Variants in UNC79 observed in about 807,000 individuals in gnomAD.
UNC79 encodes unc-79 subunit of NALCN channel complex.
UNC79 carries 37 observed loss-of-function variants against 283.1 expected under a neutral mutation model. The ratio of observed to expected loss-of-function variants is 0.13; its 90% CI spans 0.10 to 0.17. The LOEUF (loss-of-function observed/expected upper bound fraction) is 0.17. UNC79 is among the 10% of genes least tolerant of loss of function. The pLI, the probability that UNC79 is intolerant of heterozygous loss-of-function variation, is 1.00. For missense variants in UNC79, 2,272 were observed against 3,211.1 expected, an observed-to-expected ratio of 0.71 and a Z score of 7.07; for synonymous variants, 1,107 against 1,200.2, an observed-to-expected ratio of 0.92 and a Z score of 1.61.
intron 5 of UNC79, among the ~76,000 whole-genome samples, chr14:93,489,403 C>T (rs554322630): frequency 1.3e-4 from 20 of 152,288 alleles, no homozygotes; most frequent in African/African-American, 4.3e-4. Flanking sequence ...CATGTGAATA[C>T]CATCTAAATC....
intron 35 of UNC79, among the ~76,000 whole-genome samples, chr14:93,653,322 C>CATATAT (rs60148384): frequency 0.055 from 8,120 of 148,198 alleles, 281 homozygotes; most frequent in Non-Finnish European, 0.085. Flanking sequence ...TCTCTCACTG[C>CATATAT]ATATATATAT....
At chr14:93,697,668 G>A (rs2075246089) in intron 47 of UNC79, among the ~76,000 whole-genome samples, 2 of 152,112 alleles carry the variant, frequency 1.3e-5, no homozygotes, top group Admixed American at 1.3e-4. Flanking sequence ...TGCTTTGGAG[G>A]GCCAAGGAGG....
At chr14:93,551,353 T>C (rs1198906950) in intron 14 of UNC79, among the ~76,000 whole-genome samples, 1 of 152,194 alleles carries the variant, frequency 6.6e-6, no homozygotes, top group Non-Finnish European at 1.5e-5. Context: ...CCGGCCAGGA[T>C]TTATTTTTTT....
At chr14:93,489,404 C>G (rs924757369) in intron 5 of UNC79, among the ~76,000 whole-genome samples, 1 of 152,140 alleles carries the variant, frequency 6.6e-6, no homozygotes, top group African/African-American at 2.4e-5. Context: ...ATGTGAATAC[C>G]ATCTAAATCA....
chr14:93,361,069 C>T (rs943320766), intron 1 of UNC79, among the ~76,000 whole-genome samples: 1 of 151,668 alleles, frequency 6.6e-6, no homozygotes, highest in African/African-American at 2.4e-5. Flanking sequence ...CAAAAATTAC[C>T]CGGGCATGGT....
At chr14:93,333,405 C>G (rs543318507) in exon 1 of UNC79, 77 of 398,658 alleles carry the variant, frequency 1.9e-4, no homozygotes, top group Non-Finnish European at 3.1e-4. Context: ...GGCCGGCGTC[C>G]CTCGGGTGGT....
chr14:93,612,811 G>A (rs1166490204), exon 27 of UNC79: 8 of 1,613,502 alleles, frequency 5.0e-6, no homozygotes, highest in Non-Finnish European at 5.1e-6. Context: ...ACAATCTCCT[G>A]AGAATGACAA....
intron 1 of UNC79, among the ~76,000 whole-genome samples, chr14:93,396,588 G>C (rs2055002280): frequency 6.6e-6 from 1 of 152,012 alleles, no homozygotes; most frequent in African/African-American, 2.4e-5. Context: ...AGGGTTTCTT[G>C]TTGCTACTGT....
In UNC79 at chr14:93,357,956, T is replaced by C. The variant is rs185526931; in HGVS notation, c.-351+24433T>C. Among the ~76,000 whole-genome samples the C allele has an allele frequency of 1.6e-3, 105 of 67,242 alleles. 1 individual carries two copies. Among genetic ancestry groups the C allele is most frequent in the South Asian group, 8.0e-3 (20 of 2,514 alleles). The allele number at this position is 67,242 out of a possible 152,430, so 44.1% of individuals were successfully genotyped here. ...ATATGGATATATGGAGATATATATC[T>C]ATATATATCCATATATATAGATATA... is the stretch of plus-strand genomic sequence containing the variant. On this transcript the variant is annotated intron_variant, in intron 1 of 49. Coordinates refer to the UNC79 transcript ENST00000256339.
At chr14:93,646,332 G>C (rs1397085184) in intron 34 of UNC79, among the ~76,000 whole-genome samples, 2 of 152,124 alleles carry the variant, frequency 1.3e-5, no homozygotes, top group African/African-American at 4.8e-5. Context: ...ATAACTGTCT[G>C]GCCTGGCTGC....
rs185403898 is a variant in UNC79 at position 93,400,677 on chromosome 14, C to T, written c.-350-66994C>T. On this transcript the variant is annotated intron_variant, in intron 1 of 49. Coordinates refer to the UNC79 transcript ENST00000256339. Reference sequence around the variant, plus strand: ...TTACAGCACAGGGCACTGGGGTCTACGGTGCATATCGCTTTAGGGTGCTTA... The same window carrying T: ...TTACAGCACAGGGCACTGGGGTCTATGGTGCATATCGCTTTAGGGTGCTTA... Among the ~76,000 whole-genome samples the T allele has an allele frequency of 8.5e-5, 13 of 152,164 alleles. No individual in the cohort carries two copies. In the East Asian group the frequency reaches 1.7e-3, roughly 20 times the overall value.
chr14:93,659,277 A>G lies in UNC79; in HGVS notation c.6525+16A>G, dbSNP rs752188811. The G allele has an allele frequency of 1.3e-5, 20 of 1,593,778 alleles. No homozygotes were observed. The highest frequency in any genetic ancestry group is 2.7e-5 in the African/African-American group (2 of 74,120). On this transcript the variant is annotated intron_variant, in intron 39 of 48. Coordinates refer to ENST00000555664, the Ensembl canonical transcript of UNC79. ...TGCTACAAGGGTATGTATGTTTCAG[A>G]AAAACATAACCAATTGGTTAGTCAG... is the stretch of plus-strand genomic sequence containing the variant.
Position 93,446,742 on chromosome 14 carries a change from C to T in UNC79, c.22+15691C>T, listed in dbSNP as rs139825475. Among the ~76,000 whole-genome samples, 41 of 152,142 alleles carry T rather than the reference C, an allele frequency of 2.7e-4. No individual in the cohort carries two copies. In the East Asian group the frequency reaches 7.9e-3, roughly 29 times the overall value. ...AAATATTTGGGATTTTCCTGGTTAT[C>T]TTGTTTTTGATTTCTAACTTAATTC... On this transcript the variant is annotated intron_variant, in intron 1 of 48. Coordinates refer to ENST00000555664, the Ensembl canonical transcript of UNC79.
chr14:93,489,250 TGA>T (rs1225289982), intron 5 of UNC79, among the ~76,000 whole-genome samples: 2 of 152,214 alleles, frequency 1.3e-5, no homozygotes, highest in Non-Finnish European at 2.9e-5. Flanking sequence ...ATACAAATTT[TGA>T]GAGGACACAA....
chr14:93,628,686 T>G (rs2140040958), intron 30 of UNC79, among the ~76,000 whole-genome samples: 1 of 152,326 alleles, frequency 6.6e-6, no homozygotes, highest in African/African-American at 2.4e-5. Flanking sequence ...TGACATTTTC[T>G]TCCCATCACT....
chr14:93,463,485 A>G (rs116617513), intron 1 of UNC79, among the ~76,000 whole-genome samples: 1 of 152,122 alleles, frequency 6.6e-6, no homozygotes, highest in African/African-American at 2.4e-5. Context: ...GACAAGAGAG[A>G]TTCTACAGTT....
At chr14:93,343,394 C>T (rs2053754901) in intron 1 of UNC79, among the ~76,000 whole-genome samples, 1 of 152,310 alleles carries the variant, frequency 6.6e-6, no homozygotes, top group Admixed American at 6.5e-5. Flanking sequence ...TTGCCAGTTG[C>T]AGAACTTGAA....
In UNC79 at chr14:93,630,861, C is replaced by T. The variant is rs779355862; in HGVS notation, c.5669C>T (p.Thr1890Met). The T allele has an allele frequency of 2.7e-5, 43 of 1,613,932 alleles. 1 individual carries two copies. Among genetic ancestry groups the T allele is most frequent in the South Asian group, 2.1e-4 (19 of 91,078 alleles). Reference sequence around the variant, plus strand: ...CCACGAGAATCTTCATCTGCCCCTACGTTAGATGCAGGTGTGCCGGAAACA... The same window carrying T: ...CCACGAGAATCTTCATCTGCCCCTATGTTAGATGCAGGTGTGCCGGAAACA... The change falls in exon 31 of 49, where the codon ACG becomes ATG. Residue 1890 changes from threonine (T) to methionine (M), a missense_variant. Thr to Met is a moderately conservative substitution (Grantham distance 81). Around this residue, in one of 11 missense-constraint regions of UNC79, gnomAD observed 580 missense variants for 632.2 expected, o/e 0.92. Coordinates refer to ENST00000555664, the Ensembl canonical transcript of UNC79.
In UNC79 at chr14:93,538,915, T is replaced by C. The variant is rs180937229; in HGVS notation, c.1352+697T>C. On this transcript the variant is annotated intron_variant, in intron 12 of 48. Transcript: ENST00000555664. ...TGCTTGTTTTTGTTTTATTTTGTTT[T>C]GTTTTGAGACAGAGTCTTGCTCTGT... Among the ~76,000 whole-genome samples, 448 of 152,096 alleles carry C rather than the reference T, an allele frequency of 2.9e-3. 1 individual carries two copies. The highest frequency in any genetic ancestry group is 0.01 in the African/African-American group (431 of 41,526).
Sources: gnomAD v4.1 joint callset for allele counts (sites outside exome capture counted in the v4.1 genomes callset) on GRCh38, gnomAD v4.1.1 for gene constraint, gnomAD v4.1.1 regional missense constraint, MANE v1.5 for transcripts, NCBI Gene and HGNC (gene_info 2026-07-23, HGNC 2026-07-21) for gene names.